The following KHDRBS3 variants were observed in gnomAD, a reference collection of about 807,000 sequenced individuals.
The protein encoded by KHDRBS3 is KH domain-containing, RNA-binding, signal transduction-associated protein 3.
KHDRBS3 carries 23 observed loss-of-function variants against 45.6 expected under a neutral mutation model. That is an observed-to-expected ratio of 0.50 (90% CI 0.36 to 0.72). The LOEUF (loss-of-function observed/expected upper bound fraction) is 0.72, where lower values mean the gene tolerates loss of function less well. Among genes scored for constraint, KHDRBS3 ranks in the 30% least tolerant of loss-of-function variants. KHDRBS3 has a pLI of 0.00. For missense variants in KHDRBS3, 352 were observed against 424.8 expected, an observed-to-expected ratio of 0.83 and a Z score of 1.51; for synonymous variants, 162 against 156.5, an observed-to-expected ratio of 1.04 and a Z score of -0.26.
chr8:135,581,945 G>A lies in KHDRBS3; in HGVS notation c.679G>A (p.Gly227Arg). 1 of 1,613,418 alleles carries A rather than the reference G, an allele frequency of 6.2e-7. No homozygotes were observed. The highest frequency in any genetic ancestry group is 1.1e-5 in the South Asian group (1 of 90,906). The stretch of plus-strand genomic sequence containing the variant: ...ACCACGAGGGACGCCAACTCCCAGA[G>A]GAGTCCTGTCCACCCGAGGGCCAGT... ...VVPRGTPTPR[G>R]VLSTRGPVSR... The change falls in exon 6 of 9, where the codon GGA becomes AGA. Residue 227 changes from glycine (G) to arginine (R), a missense_variant. Coordinates refer to ENST00000355849, the MANE Select transcript of KHDRBS3 (RefSeq NM_006558.3).
chr8:135,626,706 A>T (rs1830379342), intron 7 of KHDRBS3, among the ~76,000 whole-genome samples: 1 of 149,262 alleles, frequency 6.7e-6, no homozygotes, highest in Admixed American at 6.8e-5. Context: ...TGGGAGGCTG[A>T]GGCAGGAGAA....
At chr8:135,498,004 C>G (rs1246053277) in intron 1 of KHDRBS3, among the ~76,000 whole-genome samples, 1 of 152,088 alleles carries the variant, frequency 6.6e-6, no homozygotes, top group African/African-American at 2.4e-5. Flanking sequence ...TGGTGCCTTC[C>G]TTCCTTGATG....
At chr8:135,462,819 C>G (rs930535932) in intron 1 of KHDRBS3, among the ~76,000 whole-genome samples, 9 of 152,182 alleles carry the variant, frequency 5.9e-5, no homozygotes, top group African/African-American at 2.2e-4. Flanking sequence ...TTACCATGTC[C>G]TACTGACTCT....
chr8:135,574,799 C>T (rs1202628883), intron 5 of KHDRBS3, among the ~76,000 whole-genome samples: 1 of 152,150 alleles, frequency 6.6e-6, no homozygotes, highest in Non-Finnish European at 1.5e-5. Flanking sequence ...AATTATATCA[C>T]CATTACCGTT....
intron 6 of KHDRBS3, among the ~76,000 whole-genome samples, chr8:135,600,367 G>A (rs1283544584): frequency 2.0e-5 from 3 of 152,190 alleles, no homozygotes; most frequent in Non-Finnish European, 4.4e-5. Context: ...GAATGATTCT[G>A]ATGAATCTAA....
intron 1 of KHDRBS3, among the ~76,000 whole-genome samples, chr8:135,479,203 A>T (rs964758349): frequency 6.6e-6 from 1 of 152,242 alleles, no homozygotes; most frequent in African/African-American, 2.4e-5. Context: ...ATATGCTAAT[A>T]AATTAGATAC....
intron 1 of KHDRBS3, among the ~76,000 whole-genome samples, chr8:135,460,793 T>C (rs950087530): frequency 6.6e-6 from 1 of 152,226 alleles, no homozygotes; most frequent in South Asian, 2.1e-4. Flanking sequence ...ATTAAAGCCC[T>C]CCTGTGACTA....
intron 7 of KHDRBS3, among the ~76,000 whole-genome samples, chr8:135,627,653 T>G (rs1029240536): frequency 2.6e-5 from 4 of 152,224 alleles, no homozygotes; most frequent in Non-Finnish European, 5.9e-5. Flanking sequence ...AAATTTTTAT[T>G]TATCTGAAAA....
intron 5 of KHDRBS3, among the ~76,000 whole-genome samples, chr8:135,575,406 C>G (rs1401697686): frequency 6.6e-6 from 1 of 152,226 alleles, no homozygotes; most frequent in Non-Finnish European, 1.5e-5. Flanking sequence ...ACTGTCCTTC[C>G]CCAGCTCCAC....
At chr8:135,460,805 T>C (rs1215168708) in intron 1 of KHDRBS3, among the ~76,000 whole-genome samples, 1 of 152,194 alleles carries the variant, frequency 6.6e-6, no homozygotes, top group African/African-American at 2.4e-5. Context: ...CTGTGACTAG[T>C]GTATTAGTTT....
In KHDRBS3 at chr8:135,533,997, C is replaced by T. The variant is rs569565806; in HGVS notation, c.208-8657C>T. On this transcript the variant is annotated intron_variant, in intron 2 of 8. Coordinates refer to ENST00000355849, the MANE Select transcript of KHDRBS3 (RefSeq NM_006558.3). The stretch of plus-strand genomic sequence containing the variant: ...TGGATACTGGAAATAAAGTTTCCTA[C>T]TGCACGTGTTTTGCTTTCACACCAT... Among the ~76,000 whole-genome samples, 210 of 152,218 alleles carry T rather than the reference C, an allele frequency of 1.4e-3. 4 individuals carry two copies. Among genetic ancestry groups the T allele is most frequent in the Non-Finnish European group, 5.4e-4 (37 of 67,982 alleles).
At chr8:135,495,901 C>G in intron 1 of KHDRBS3, among the ~76,000 whole-genome samples, 1 of 151,978 alleles carries the variant, frequency 6.6e-6, no homozygotes, top group Non-Finnish European at 1.5e-5. Context: ...GAAGTAGTTA[C>G]TTGGGTTTTA....
intron 1 of KHDRBS3, among the ~76,000 whole-genome samples, chr8:135,508,036 A>G (rs1291020429): frequency 1.3e-5 from 2 of 152,212 alleles, no homozygotes; most frequent in Non-Finnish European, 2.9e-5. Context: ...TAATATCATC[A>G]TACGGAAAAT....
At chr8:135,622,870 C>T (rs768328369) in intron 7 of KHDRBS3, among the ~76,000 whole-genome samples, 7 of 152,182 alleles carry the variant, frequency 4.6e-5, no homozygotes, top group Non-Finnish European at 1.0e-4. Flanking sequence ...GGAACCCAAC[C>T]TTGATCTTGG....
At chr8:135,561,538 A>AG (rs1459778854) in intron 5 of KHDRBS3, among the ~76,000 whole-genome samples, 5 of 101,762 alleles carry the variant, frequency 4.9e-5, no homozygotes, top group African/African-American at 1.5e-4. Flanking sequence ...ATAAGTAATA[A>AG]GTTTTTTTTT....
At chr8:135,510,569 G>A (rs1289922287) in intron 1 of KHDRBS3, among the ~76,000 whole-genome samples, 1 of 152,074 alleles carries the variant, frequency 6.6e-6, no homozygotes, top group Non-Finnish European at 1.5e-5. Flanking sequence ...TGAGTAGCTG[G>A]GACTATAGGC....
chr8:135,485,842 T>TCATATATATATATATATATATATATATA (rs1822827571), intron 1 of KHDRBS3, among the ~76,000 whole-genome samples: 2 of 120,346 alleles, frequency 1.7e-5, no homozygotes, highest in African/African-American at 7.4e-5. Flanking sequence ...CATTTCAAGT[T>TCATATATATATATATATATATATATATA]TATATATATA....
chr8:135,546,986 C>T (rs1283180605), intron 3 of KHDRBS3, among the ~76,000 whole-genome samples: 1 of 152,078 alleles, frequency 6.6e-6, no homozygotes, highest in Non-Finnish European at 1.5e-5. Context: ...TATAATCTTT[C>T]ATTAACATCA....
intron 7 of KHDRBS3, among the ~76,000 whole-genome samples, chr8:135,617,846 TA>T (rs1303768923): frequency 6.6e-6 from 1 of 152,242 alleles, no homozygotes; most frequent in African/African-American, 2.4e-5. Context: ...GCCATTTTGA[TA>T]CCTTATTTGT....
Sources: allele counts gnomAD v4.1 joint callset (sites outside exome capture counted in the v4.1 genomes callset), GRCh38; gene constraint gnomAD v4.1.1; transcripts MANE v1.5; gene names NCBI Gene and HGNC (gene_info 2026-07-23, HGNC 2026-07-21).